CA2: variants seen among roughly 807,000 people sequenced by gnomAD.
The protein encoded by CA2 is carbonic anhydrase 2.
A neutral mutation model predicts 27.8 loss-of-function variants in CA2; 23 were observed. The ratio of observed to expected loss-of-function variants is 0.83; its 90% CI spans 0.59 to 1.17. The LOEUF is 1.17. CA2 is among the 50% of genes most tolerant of loss of function. CA2 has a pLI of 0.00. For synonymous variants in CA2, 99 were observed against 114.9 expected (o/e 0.86, Z 0.88); for missense variants, 300 against 314.7 (o/e 0.95, Z 0.35).
chr8:85,470,299 C>A (rs1212271782), intron 2 of CA2, among the ~76,000 whole-genome samples: 9 of 151,942 alleles, frequency 5.9e-5, no homozygotes. Flanking sequence ...TGCCAACAGG[C>A]AAAACAGTAA....
chr8:85,473,589 G>T, intron 2 of CA2, 104 bp from the exon 3 acceptor site: 1 of 710,120 alleles, frequency 1.4e-6, no homozygotes, highest in South Asian at 1.5e-5. Context: ...GTAATATTTA[G>T]GCATGTGTTT....
At position 85,465,281 on chromosome 8, in the gene CA2, A is replaced by G. The variant is rs759148315; in HGVS notation, c.44A>G (p.His15Arg). Residue 15 changes from histidine (H) to arginine (R), a missense_variant, in exon 2 of 7, where the codon CAC (histidine) becomes CGC (arginine). Around this residue, in one of 3 missense-constraint regions of CA2, gnomAD observed 122 missense variants for 133.2 expected, o/e 0.92. Transcript: ENST00000285379. ...WGYGKHNGPEHWHKDFPIAKG... is the reference protein window; with the variant it reads ...WGYGKHNGPERWHKDFPIAKG... Reference sequence around the variant, plus strand: ...GTCTTCTTTCCCCCAGGACCTGAGCACTGGCATAAGGACTTCCCCATTGCC... The same window carrying G: ...GTCTTCTTTCCCCCAGGACCTGAGCGCTGGCATAAGGACTTCCCCATTGCC... The G allele has an allele frequency of 1.9e-6, 3 of 1,613,742 alleles. No homozygotes were observed. In the Admixed American group the frequency reaches 5.0e-5, roughly 27 times the overall value.
intron 2 of CA2, among the ~76,000 whole-genome samples, chr8:85,473,018 A>T (rs1365831265): frequency 7.0e-6 from 1 of 142,588 alleles, no homozygotes; most frequent in Non-Finnish European, 1.5e-5. Context: ...AATAATAAAT[A>T]AATAAATAAA....
intron 4 of CA2, 103 bp downstream of exon 4, chr8:85,474,519 T>C (rs1811761800): frequency 4.4e-6 from 4 of 907,738 alleles, no homozygotes; most frequent in Non-Finnish European, 7.4e-6. Flanking sequence ...GCTTAGGAAA[T>C]GCCTTTGTCC....
rs545914178 is a variant in CA2 at position 85,464,848 on chromosome 8, T to TGGGCC, written c.35-423_35-419dup. 4.0e-4 allele frequency: 69 copies of TGGGCC among 174,476 alleles called. 1 individual carries two copies. In the South Asian group the frequency reaches 9.0e-3, roughly 23 times the overall value. 10.8% of individuals were successfully genotyped at this position (174,476 alleles called of 1,614,324 possible). ...GGAACCCTGACGGTTAAAGGTGGGG[T>TGGGCC]GGGCCCGGGCCTGGGCAGTGAGGAA... On this transcript the variant is annotated intron_variant, in intron 1 of 6. Coordinates refer to ENST00000285379, the MANE Select transcript of CA2 (RefSeq NM_000067.3).
At chr8:85,469,841 G>A (rs1280974918) in intron 2 of CA2, among the ~76,000 whole-genome samples, 2 of 152,154 alleles carry the variant, frequency 1.3e-5, no homozygotes, top group Non-Finnish European at 2.9e-5. Flanking sequence ...GAAGCTGGAT[G>A]AGTTTACCTG....
chr8:85,471,800 G>T (rs563334045), intron 2 of CA2, among the ~76,000 whole-genome samples: 1 of 151,858 alleles, frequency 6.6e-6, no homozygotes, highest in South Asian at 2.1e-4. Context: ...TATGAAAAAA[G>T]GGAATTATTT....
At chr8:85,478,207 A>C (rs1811834627) in intron 6 of CA2, among the ~76,000 whole-genome samples, 3 of 152,356 alleles carry the variant, frequency 2.0e-5, no homozygotes, top group South Asian at 4.1e-4. Context: ...CCTGGGAGCA[A>C]GGATTCTATT....
intron 2 of CA2, among the ~76,000 whole-genome samples, chr8:85,472,688 A>C (rs1049923425): frequency 6.6e-6 from 1 of 152,164 alleles, no homozygotes; most frequent in Non-Finnish European, 1.5e-5. Context: ...TTAAGGTCAA[A>C]GAGGTTTAAT....
At chr8:85,473,886 TA>T (rs1388129103) in intron 3 of CA2, 75 bp downstream of exon 3, 1 of 912,664 alleles carries the variant, frequency 1.1e-6, no homozygotes, top group Non-Finnish European at 1.8e-6. Context: ...TTCAAAAGCT[TA>T]ATTTGTAAAT....
chr8:85,480,233 A>G (rs992124725), intron 6 of CA2, among the ~76,000 whole-genome samples: 1 of 152,084 alleles, frequency 6.6e-6, no homozygotes, highest in African/African-American at 2.4e-5. Context: ...ACAGCACTGA[A>G]TGTTGTGGAA....
chr8:85,474,290 A>G, intron 3 of CA2, 34 bp from the exon 4 acceptor site: 1 of 1,444,178 alleles, frequency 6.9e-7, no homozygotes, highest in African/African-American at 1.4e-5. Context: ...GATTATGTAA[A>G]TCACTCACTG....
At chr8:85,464,273 C>T (rs1811584299) in intron 1 of CA2, 158 bp downstream of exon 1, 3 of 556,038 alleles carry the variant, frequency 5.4e-6, no homozygotes, top group Non-Finnish European at 8.8e-6. Context: ...CCCGGGCGCT[C>T]GCTCCGCTCG....
At chr8:85,464,184 C>T (rs910426234) in intron 1 of CA2, 69 bp downstream of exon 1, 2 of 1,409,460 alleles carry the variant, frequency 1.4e-6, no homozygotes, top group Admixed American at 2.1e-5. Context: ...TCCCCGAGCC[C>T]GGATGCCGGC....
intron 5 of CA2, among the ~76,000 whole-genome samples, chr8:85,476,239 A>C (rs1811797149): frequency 6.6e-6 from 1 of 152,234 alleles, no homozygotes; most frequent in African/African-American, 2.4e-5. Context: ...TAGTAGACAC[A>C]ATGGTGAACA....
intron 1 of CA2, chr8:85,464,458 T>G: frequency 3.8e-6 from 1 of 265,142 alleles, no homozygotes; most frequent in Non-Finnish European, 7.0e-6. Context: ...TAACCGGACC[T>G]AGGAGGAGGC....
At chr8:85,464,358 G>A in intron 1 of CA2, 1 of 445,056 alleles carries the variant, frequency 2.2e-6, no homozygotes, top group Non-Finnish European at 3.9e-6. Flanking sequence ...GCGTCCGCCG[G>A]AGGCGCGTAG....
chr8:85,465,310 G>C lies in CA2; in HGVS notation c.73G>C (p.Gly25Arg). Reference protein sequence around the residue: ...HWHKDFPIAKGERQSPVDIDT... With the variant: ...HWHKDFPIAKRERQSPVDIDT... ...GCATAAGGACTTCCCCATTGCCAAG[G>C]GAGAGCGCCAGTCCCCTGTTGACAT... The change falls in exon 2 of 7, where the codon GGA (glycine) becomes CGA (arginine). Residue 25 changes from glycine (G) to arginine (R), a missense_variant. Physicochemically the swap from Gly to Arg is moderately radical, Grantham distance 125. Transcript: ENST00000285379. The C allele has an allele frequency of 6.2e-7, 1 of 1,614,128 alleles. No individual in the cohort carries two copies. The highest frequency in any genetic ancestry group is 1.3e-5 in the African/African-American group (1 of 75,026).
intron 6 of CA2, among the ~76,000 whole-genome samples, chr8:85,479,662 A>G (rs558901509): frequency 6.6e-6 from 1 of 152,294 alleles, no homozygotes; most frequent in South Asian, 2.1e-4. Flanking sequence ...ACAAGTTTAT[A>G]AGGGAATAAA....
Sources: allele counts gnomAD v4.1 joint callset (sites outside exome capture counted in the v4.1 genomes callset), GRCh38; gene constraint gnomAD v4.1.1; regional missense constraint gnomAD v4.1.1; transcripts MANE v1.5; gene names NCBI Gene and HGNC (gene_info 2026-07-23, HGNC 2026-07-21).